ZFHX3: variants seen among roughly 807,000 people sequenced by gnomAD.
ZFHX3 encodes zinc finger homeobox protein 3.
Under a neutral mutation model 279.1 loss-of-function variants are expected in ZFHX3, and 42 were observed. That is an observed-to-expected ratio of 0.15 (90% CI 0.12 to 0.19). The LOEUF is 0.19. Ranked by LOEUF, ZFHX3 falls within the 10% of genes least tolerant of loss-of-function variation. The probability of loss-of-function intolerance (pLI) is 1.00; values close to 1 mark genes in which losing one functional copy is unlikely to be tolerated. For missense variants in ZFHX3, 4,981 were observed against 4,754.0 expected, an observed-to-expected ratio of 1.05 and a Z score of -1.40; for synonymous variants, 2,293 against 1,957.8, an observed-to-expected ratio of 1.17 and a Z score of -4.52.
intron 1 of ZFHX3, among the ~76,000 whole-genome samples, chr16:73,720,831 G>C (rs1428188407): frequency 6.6e-6 from 1 of 152,066 alleles, no homozygotes; most frequent in Non-Finnish European, 1.5e-5. Flanking sequence ...AGGAAATCTA[G>C]GGTACAAGGT....
At chr16:73,845,065 C>G (rs904025661) in intron 1 of ZFHX3, among the ~76,000 whole-genome samples, 12 of 152,114 alleles carry the variant, frequency 7.9e-5, no homozygotes, top group African/African-American at 2.9e-4. Context: ...CAGCCATGCA[C>G]TGATACCCTC....
upstream of ZFHX3, chr16:73,061,566 AG>A (rs1241140306): frequency 6.6e-6 from 1 of 151,946 alleles, no homozygotes; most frequent in Non-Finnish European, 1.5e-5. Context: ...TTCAGTCCAA[AG>A]GGCAGGTCAG....
intron 1 of ZFHX3, among the ~76,000 whole-genome samples, chr16:73,041,617 T>C (rs986984746): frequency 2.0e-5 from 3 of 152,164 alleles, no homozygotes; most frequent in African/African-American, 2.4e-5. Flanking sequence ...CTATTCAAGA[T>C]TCCATCAGAA....
chr16:73,257,182 T>C (rs2013683823), intron 4 of ZFHX3: 2 of 152,212 alleles, frequency 1.3e-5, no homozygotes, highest in Admixed American at 1.3e-4. Flanking sequence ...CTATTTTTGG[T>C]ACATATTCCT....
chr16:72,950,407 C>A (rs1960925442), intron 3 of ZFHX3, 62 bp downstream of exon 3: 6 of 1,575,400 alleles, frequency 3.8e-6, no homozygotes, highest in Admixed American at 3.4e-5. Context: ...CTCCCTAACT[C>A]CCCGGTGCGC....
intron 1 of ZFHX3, among the ~76,000 whole-genome samples, chr16:73,848,599 C>T (rs1355963667): frequency 1.3e-5 from 2 of 152,176 alleles, no homozygotes; most frequent in Non-Finnish European, 2.9e-5. Context: ...CATATTAATT[C>T]AACACCCATG....
chr16:72,853,845 C>T (rs1032218809), intron 4 of ZFHX3, among the ~76,000 whole-genome samples: 6 of 150,914 alleles, frequency 4.0e-5, no homozygotes, highest in South Asian at 2.1e-4. Flanking sequence ...GAAGGCTGAG[C>T]GGCAGGAGGA....
At chr16:73,458,702 C>G (rs1473606585) in intron 2 of ZFHX3, among the ~76,000 whole-genome samples, 1 of 152,132 alleles carries the variant, frequency 6.6e-6, no homozygotes, top group Non-Finnish European at 1.5e-5. Flanking sequence ...TACCCCAGGT[C>G]ACCCCCAACC....
intron 5 of ZFHX3, chr16:73,144,235 T>A (rs1028738097): frequency 2.5e-5 from 4 of 158,858 alleles, no homozygotes; most frequent in African/African-American, 9.6e-5. Context: ...ACTCATGGAA[T>A]TCTCCTGGCC....
chr16:73,183,695 G>T (rs1242406975), intron 5 of ZFHX3, among the ~76,000 whole-genome samples: 1 of 152,190 alleles, frequency 6.6e-6, no homozygotes. Flanking sequence ...TATGTTTATA[G>T]CTGCTGCGCC....
chr16:73,785,068 T>A (rs763025754), intron 1 of ZFHX3, among the ~76,000 whole-genome samples: 15 of 152,152 alleles, frequency 9.9e-5, no homozygotes, highest in Non-Finnish European at 1.5e-4. Context: ...AAAACGAGGA[T>A]TCAAATCTCT....
At chr16:73,062,656 C>A (rs894748340), upstream of ZFHX3, among the ~76,000 whole-genome samples, 20 of 151,572 alleles carry the variant, frequency 1.3e-4, no homozygotes, top group South Asian at 2.1e-3. Flanking sequence ...GGAGATCTCA[C>A]TTGGAAAAAG....
chr16:73,585,049 G>A (rs1028105908), intron 2 of ZFHX3, among the ~76,000 whole-genome samples: 1 of 152,158 alleles, frequency 6.6e-6, no homozygotes, highest in African/African-American at 2.4e-5. Flanking sequence ...CAGTCAGAAT[G>A]GCAATTATTA....
At position 73,682,962 on chromosome 16, in the gene ZFHX3, G is replaced by C. The variant is rs1480665265; in HGVS notation, c.-1607-2722C>G. 7.6e-3 allele frequency among the ~76,000 whole-genome samples: 190 copies of C among 24,948 alleles called. 17 individuals carry two copies. The highest frequency in any genetic ancestry group is 0.013 in the Admixed American group (23 of 1,730). 16.4% of individuals were successfully genotyped at this position (24,948 alleles called of 152,430 possible). The stretch of plus-strand genomic sequence containing the variant: ...AGAAAGAAAGAAAGAAAGAAAGAAA[G>C]AAAGAAAGAAAGAAAGAAAGAAAGA... On this transcript the variant is annotated intron_variant, in intron 1 of 17. Coordinates refer to the ZFHX3 transcript ENST00000641206.
chr16:73,796,918 A>T (rs1350640809), intron 1 of ZFHX3, among the ~76,000 whole-genome samples: 1 of 152,130 alleles, frequency 6.6e-6, no homozygotes. Context: ...TGGAAAAGTG[A>T]AGGCTGAGTG....
At position 73,017,701 on chromosome 16, in the gene ZFHX3, G is replaced by C. The variant is rs142520930; in HGVS notation, c.-50+30051C>G. Among the ~76,000 whole-genome samples the C allele has an allele frequency of 6.6e-4, 100 of 152,066 alleles. 1 individual carries two copies. The South Asian group carries it at 7.3e-3, about 11-fold the overall frequency. ...TTGCTAGCTTAGCACCCCACAGATA[G>C]AGCTCGTCCAGAGAATTGTCCAACC... On this transcript the variant is annotated intron_variant, in intron 1 of 9. Coordinates refer to ENST00000268489, the MANE Select transcript of ZFHX3 (RefSeq NM_006885.4).
chr16:73,696,910 A>C (rs1451666467), intron 1 of ZFHX3, among the ~76,000 whole-genome samples: 1 of 152,192 alleles, frequency 6.6e-6, no homozygotes, highest in Non-Finnish European at 1.5e-5. Flanking sequence ...ATTATATAAC[A>C]ATCAATAGTG....
chr16:73,464,742 T>C (rs564557624), intron 2 of ZFHX3, among the ~76,000 whole-genome samples: 104 of 152,362 alleles, frequency 6.8e-4, no homozygotes, highest in Middle Eastern at 3.4e-3. Flanking sequence ...ATGTCACAGC[T>C]GTGCTGGGGC....
chr16:73,659,311 T>G (rs935223133), intron 2 of ZFHX3, among the ~76,000 whole-genome samples: 8 of 152,160 alleles, frequency 5.3e-5, no homozygotes, highest in African/African-American at 1.9e-4. Context: ...GCTGGAGGAC[T>G]CAGGGAAGAG....
Sources: gnomAD v4.1 joint callset for allele counts (sites outside exome capture counted in the v4.1 genomes callset) on GRCh38, gnomAD v4.1.1 for gene constraint, MANE v1.5 for transcripts, NCBI Gene and HGNC (gene_info 2026-07-23, HGNC 2026-07-21) for gene names.